Variants in ZKSCAN8 observed in about 807,000 individuals in gnomAD.
ZKSCAN8 encodes the protein zinc finger with KRAB and SCAN domains 8.
A neutral mutation model predicts 57.2 loss-of-function variants in ZKSCAN8; 27 were observed. That is an observed-to-expected ratio of 0.47 (90% CI 0.35 to 0.65). The LOEUF (loss-of-function observed/expected upper bound fraction) is 0.65, where lower values mean the gene tolerates loss of function less well. ZKSCAN8 is among the 30% of genes least tolerant of loss of function. The pLI, the probability that ZKSCAN8 is intolerant of heterozygous loss-of-function variation, is 0.01. For missense variants in ZKSCAN8, 597 were observed against 696.3 expected (o/e 0.86, Z 1.60); for synonymous variants, 214 against 248.7 (o/e 0.86, Z 1.31).
intron 3 of ZKSCAN8, among the ~76,000 whole-genome samples, chr6:28,150,888 C>G (rs1030766635): frequency 6.6e-5 from 10 of 152,282 alleles, no homozygotes; most frequent in African/African-American, 2.4e-4. Context: ...CTCACTGCAG[C>G]TTCTGCCTCC....
At chr6:28,152,746 C>T (rs561437105) in intron 5 of ZKSCAN8, among the ~76,000 whole-genome samples, 2 of 152,250 alleles carry the variant, frequency 1.3e-5, no homozygotes, top group African/African-American at 2.4e-5. Context: ...CCATTTCTGT[C>T]CTGCTCATTA....
Position 28,153,133 on chromosome 6 carries a change from A to G in ZKSCAN8, c.853A>G (p.Thr285Ala). Reference sequence around the variant, plus strand: ...TACTGGAATCCAGCCACATGGAGAGACAGCTGCCAAATGCAACGGGGATGT... The same window carrying G: ...TACTGGAATCCAGCCACATGGAGAGGCAGCTGCCAAATGCAACGGGGATGT... ...ISTGIQPHGE[T>A]AAKCNGDVIR... Residue 285 changes from threonine to alanine, a missense_variant, in exon 6 of 6, where the codon ACA becomes GCA. Physicochemically the swap from Thr to Ala is moderately conservative, Grantham distance 58 (BLOSUM62 0). Coordinates refer to ENST00000330236, the MANE Select transcript of ZKSCAN8 (RefSeq NM_006298.4). 2 of 1,614,204 alleles carry G rather than the reference A, an allele frequency of 1.2e-6. No homozygotes were observed. The highest frequency in any genetic ancestry group is 1.7e-6 in the Non-Finnish European group (2 of 1,180,036).
rs1210585516 is a variant in ZKSCAN8 at position 28,149,608 on chromosome 6, A to G, written c.543A>G (p.Gln181=). Residue 181 remains glutamine (Q), a synonymous_variant, in exon 3 of 6, where the codon CAA becomes CAG. Coordinates refer to ENST00000330236, the MANE Select transcript of ZKSCAN8 (RefSeq NM_006298.4). ...CCCAACATAAATCTCCAGTGCCCCA[A>G]GAGTCACAAGAGAGAGGTGAGTAGC... The part of the protein sequence containing the change: ...EATQHKSPVP[Q]ESQERAMSTS... The G allele has an allele frequency of 1.2e-6, 2 of 1,614,018 alleles. No homozygotes were observed. Among genetic ancestry groups the G allele is most frequent in the Non-Finnish European group, 1.7e-6 (2 of 1,179,964 alleles).
rs766148123 is a variant in ZKSCAN8 at position 28,151,921 on chromosome 6, C to A, written c.636C>A (p.Leu212=). Residue 212 remains leucine (L), a synonymous_variant, in exon 4 of 6, where the codon CTC becomes CTA. Coordinates refer to ENST00000330236, the MANE Select transcript of ZKSCAN8 (RefSeq NM_006298.4). ...SGDQEMTATL[L]TAGFQTLEKI... is the part of the protein sequence containing the mutation. ...ACCAGGAAATGACAGCTACACTTCT[C>A]ACAGCAGGGTTCCAGGTGAGTTGTG... 24 of 1,614,056 alleles carry A rather than the reference C, an allele frequency of 1.5e-5. No individual in the cohort carries two copies. In the South Asian group the frequency reaches 2.5e-4, roughly 17 times the overall value.
In ZKSCAN8 at chr6:28,154,034, A is replaced by C. The variant is rs1561824141; in HGVS notation, c.*17A>C. On this transcript the variant is annotated 3_prime_UTR_variant, in exon 6 of 6. Coordinates refer to ENST00000330236, the MANE Select transcript of ZKSCAN8 (RefSeq NM_006298.4). ...AGCGTTTAGGAACAACATCAGTTAGAGTTTGAGCATTATTCAGCATTAGGG... is the reference window on the plus strand; with the variant it reads ...AGCGTTTAGGAACAACATCAGTTAGCGTTTGAGCATTATTCAGCATTAGGG... The C allele has an allele frequency of 3.2e-6, 5 of 1,565,572 alleles. No homozygotes were observed. Among genetic ancestry groups the C allele is most frequent in the Non-Finnish European group, 4.3e-6 (5 of 1,159,852 alleles).
At position 28,148,349 on chromosome 6, in the gene ZKSCAN8, T is replaced by G. The variant is rs1360070917; in HGVS notation, c.-59T>G. On this transcript the variant is annotated 5_prime_UTR_variant, in exon 2 of 6. Coordinates refer to ENST00000330236, the MANE Select transcript of ZKSCAN8 (RefSeq NM_006298.4). ...TTAGAAAGAGGCCCTCAGAAGAGTC[T>G]TCTCTTAAGAAGATAAAGAAGGTAG... 6.5e-7 allele frequency: 1 copy of G among 1,535,914 alleles called. No individual in the cohort carries two copies. The highest frequency in any genetic ancestry group is 1.4e-5 in the African/African-American group (1 of 72,048).
In ZKSCAN8 at chr6:28,153,876, T is replaced by A; in HGVS notation, c.1596T>A (p.Gly532=). The part of the protein sequence containing the change: ...ECGKAFNGNT[G]LIQHLRIHTG... ...GGAAAGCTTTCAATGGGAACACTGG[T>A]CTCATTCAACACCTGAGAATTCACA... Residue 532 remains glycine, a synonymous_variant, in exon 6 of 6, where the codon GGT becomes GGA. Coordinates refer to ENST00000330236, the MANE Select transcript of ZKSCAN8 (RefSeq NM_006298.4). 6.2e-7 allele frequency: 1 copy of A among 1,612,896 alleles called. No individual in the cohort carries two copies. The highest frequency in any genetic ancestry group is 1.7e-4 in the Middle Eastern group (1 of 6,046).
intron 3 of ZKSCAN8, among the ~76,000 whole-genome samples, 194 bp from the exon 4 acceptor site, chr6:28,151,651 G>A (rs1765594084): frequency 6.6e-6 from 1 of 152,192 alleles, no homozygotes; most frequent in African/African-American, 2.4e-5. Flanking sequence ...TGACTTCAGG[G>A]ACATCGGGGT....
At chr6:28,152,913 C>A in intron 5 of ZKSCAN8, 143 bp from the exon 6 acceptor site, 21 of 1,144,562 alleles carry the variant, frequency 1.8e-5, no homozygotes, top group Non-Finnish European at 2.5e-5. Context: ...TATTAAGAAG[C>A]TATTTTGGAG....
At position 28,149,582 on chromosome 6, in the gene ZKSCAN8, A is replaced by T. The variant is rs1323062905; in HGVS notation, c.517A>T (p.Thr173Ser). The change falls in exon 3 of 6, where the codon ACC (threonine) becomes TCC (serine). Residue 173 changes from threonine (T) to serine (S), a missense_variant. Coordinates refer to ENST00000330236, the MANE Select transcript of ZKSCAN8 (RefSeq NM_006298.4). ...AAATACTCAGCTCCAATCTGAGGCA[A>T]CCCAACATAAATCTCCAGTGCCCCA... ...PPNTQLQSEA[T>S]QHKSPVPQES... The T allele has an allele frequency of 2.5e-6, 4 of 1,613,992 alleles. No individual in the cohort carries two copies. The African/African-American group carries it at 5.3e-5, about 22-fold the overall frequency.
At chr6:28,151,962 A>G in intron 4 of ZKSCAN8, 26 bp downstream of exon 4, 1 of 1,608,560 alleles carries the variant, frequency 6.2e-7, no homozygotes, top group East Asian at 2.2e-5. Context: ...TCTCACTGAA[A>G]CGCCATAGCT....
chr6:28,150,699 TTATTG>T (rs1434806371), intron 3 of ZKSCAN8, among the ~76,000 whole-genome samples: 3 of 152,350 alleles, frequency 2.0e-5, no homozygotes, highest in African/African-American at 7.2e-5. Flanking sequence ...CTACATTTCT[TTATTG>T]TAAAGGAGAG....
chr6:28,148,854 C>T (rs771132396), intron 2 of ZKSCAN8, 30 bp downstream of exon 2: 11 of 1,580,500 alleles, frequency 7.0e-6, no homozygotes, highest in African/African-American at 2.7e-5. Context: ...CGTGCTATGA[C>T]TGTGGGAGTC....
Position 28,154,043 on chromosome 6 carries a change from A to G in ZKSCAN8, c.*26A>G. 1.3e-6 allele frequency: 2 copies of G among 1,549,784 alleles called. No individual in the cohort carries two copies. Among genetic ancestry groups the G allele is most frequent in the Non-Finnish European group, 1.7e-6 (2 of 1,153,940 alleles). On this transcript the variant is annotated 3_prime_UTR_variant, in exon 6 of 6. Coordinates refer to ENST00000330236, the MANE Select transcript of ZKSCAN8 (RefSeq NM_006298.4). ...GAACAACATCAGTTAGAGTTTGAGC[A>G]TTATTCAGCATTAGGGAAACCACAC...
intron 1 of ZKSCAN8, among the ~76,000 whole-genome samples, chr6:28,146,183 C>CA (rs1315890506): frequency 6.6e-6 from 1 of 152,114 alleles, no homozygotes; most frequent in Non-Finnish European, 1.5e-5. Context: ...TCTGTGTTTG[C>CA]AATTGTAAAT....
chr6:28,147,032 C>T (rs72846777), intron 1 of ZKSCAN8, among the ~76,000 whole-genome samples: 5,557 of 152,014 alleles, frequency 0.037, 142 homozygotes, highest in Non-Finnish European at 0.056. Context: ...TTAGATATGA[C>T]ATCAAAAGCA....
At chr6:28,152,425 T>C in intron 5 of ZKSCAN8, 41 bp downstream of exon 5, 1 of 1,566,952 alleles carries the variant, frequency 6.4e-7, no homozygotes, top group East Asian at 2.2e-5. Context: ...TTAGATTTTT[T>C]GTTTGTTTGT....
At chr6:28,142,555 T>G (rs1349487609) in intron 1 of ZKSCAN8, among the ~76,000 whole-genome samples, 1 of 151,364 alleles carries the variant, frequency 6.6e-6, no homozygotes, top group Non-Finnish European at 1.5e-5. Context: ...AATTTCAGGG[T>G]AATTCAGAAT....
Position 28,157,039 on chromosome 6 carries a change from C to T in ZKSCAN8, c.*3022C>T, listed in dbSNP as rs1471940245. 1 of 152,188 alleles carries T rather than the reference C, an allele frequency of 6.6e-6. No individual in the cohort carries two copies. The highest frequency in any genetic ancestry group is 1.5e-5 in the Non-Finnish European group (1 of 68,058). The allele number at this position is 152,188 out of a possible 1,614,324, so 9.4% of individuals were successfully genotyped here. A position where few individuals can be genotyped will look rare whatever the true frequency, so the allele number is the denominator to read the frequency against. On this transcript the variant is annotated 3_prime_UTR_variant, in exon 6 of 6. Transcript: ENST00000330236. ...ATAAATGTATTAGTCTGTTCTCATG[C>T]TGCTATTAAAGACATACCTGACACT...
Sources: allele counts gnomAD v4.1 joint callset (sites outside exome capture counted in the v4.1 genomes callset), GRCh38; gene constraint gnomAD v4.1.1; transcripts MANE v1.5; gene names NCBI Gene and HGNC (gene_info 2026-07-23, HGNC 2026-07-21).